UGT2B7: variants seen among roughly 807,000 people sequenced by gnomAD.
The protein encoded by UGT2B7 is UDP glucuronosyltransferase family 2 member B7.
In UGT2B7, 51 loss-of-function variants were observed where a neutral mutation model predicts 51.9. The observed-to-expected ratio is 0.98, with a 90% CI of 0.78 to 1.24. UGT2B7 has a LOEUF of 1.24. Ranked by LOEUF, UGT2B7 falls within the 50% of genes most tolerant of loss-of-function variation. The probability of loss-of-function intolerance (pLI) is 0.00; values close to 1 mark genes in which losing one functional copy is unlikely to be tolerated. For missense variants in UGT2B7, 727 were observed against 628.4 expected, an observed-to-expected ratio of 1.16 and a Z score of -1.68; for synonymous variants, 225 against 211.6, an observed-to-expected ratio of 1.06 and a Z score of -0.55.
intron 1 of UGT2B7, among the ~76,000 whole-genome samples, chr4:69,078,607 A>G (rs1010970994): frequency 6.6e-6 from 1 of 152,030 alleles, no homozygotes; most frequent in East Asian, 1.9e-4. Context: ...TTTCTCCATG[A>G]CTGTGTGTAT....
intron 2 of UGT2B7, 68 bp from the exon 3 acceptor site, chr4:69,102,739 A>C (rs1451021091): frequency 3.8e-6 from 6 of 1,567,084 alleles, no homozygotes; most frequent in Non-Finnish European, 1.7e-6. Flanking sequence ...AGTAATTTGC[A>C]CCAATTCTTT....
upstream of UGT2B7, among the ~76,000 whole-genome samples, chr4:69,094,732 C>A (rs1719175369): frequency 6.6e-6 from 1 of 152,152 alleles, no homozygotes; most frequent in Admixed American, 6.5e-5. Context: ...CATACATTAA[C>A]CCACCCTTTC....
intron 1 of UGT2B7, among the ~76,000 whole-genome samples, chr4:69,079,388 A>G (rs1718786103): frequency 1.3e-5 from 2 of 152,206 alleles, no homozygotes; most frequent in African/African-American, 4.8e-5. Flanking sequence ...GTCATATTCC[A>G]GGAGTTAAAG....
At chr4:69,068,250 C>T (rs77902165) in intron 1 of UGT2B7, among the ~76,000 whole-genome samples, 4,088 of 151,952 alleles carry the variant, frequency 0.027, 82 homozygotes, top group Non-Finnish European at 0.042. Flanking sequence ...ACATTTTGAT[C>T]CCATCACTGA....
intron 1 of UGT2B7, among the ~76,000 whole-genome samples, chr4:69,086,482 T>C (rs1718962420): frequency 6.6e-6 from 1 of 151,942 alleles, no homozygotes; most frequent in Non-Finnish European, 1.5e-5. Context: ...TAAATGTCCG[T>C]GTTAGGTTTA....
chr4:69,107,204 A>C lies in UGT2B7; in HGVS notation c.1032A>C (p.Pro344=), dbSNP rs773030005. 10 of 1,609,628 alleles carry C rather than the reference A, an allele frequency of 6.2e-6. No individual in the cohort carries two copies. The highest frequency in any genetic ancestry group is 8.5e-6 in the Non-Finnish European group (10 of 1,177,268). Residue 344 remains proline, a synonymous_variant, in exon 4 of 6, where the codon CCA becomes CCC. Transcript: ENST00000305231. ...KVLWRFDGNK[P]DTLGLNTRLY... is the part of the protein sequence containing the mutation. The stretch of plus-strand genomic sequence containing the variant: ...TGTGGAGATTTGATGGGAATAAACC[A>C]GATACCTTAGGTCTCAATACTCGGC...
intron 1 of UGT2B7, among the ~76,000 whole-genome samples, chr4:69,061,805 A>G (rs1423057287): frequency 2.6e-5 from 4 of 152,186 alleles, no homozygotes; most frequent in African/African-American, 7.2e-5. Flanking sequence ...GAATTCAGGA[A>G]AAAGGAGCTA....
intron 1 of UGT2B7, among the ~76,000 whole-genome samples, chr4:69,087,348 C>T (rs1257590395): frequency 6.6e-6 from 1 of 151,918 alleles, no homozygotes; most frequent in Admixed American, 6.6e-5. Context: ...TTGTCTTCCA[C>T]ATATTGACTT....
At chr4:69,099,010 G>A (rs949383067) in intron 2 of UGT2B7, among the ~76,000 whole-genome samples, 1 of 151,748 alleles carries the variant, frequency 6.6e-6, no homozygotes, top group African/African-American at 2.4e-5. Flanking sequence ...ACAAAACACA[G>A]GTAAGTGCAG....
At chr4:69,052,582 A>AGGC (rs1450546217) in intron 1 of UGT2B7, among the ~76,000 whole-genome samples, 2 of 151,490 alleles carry the variant, frequency 1.3e-5, no homozygotes, top group African/African-American at 4.8e-5. Flanking sequence ...AAAAAAAAAA[A>AGGC]AAAAAAAAAA....
chr4:69,064,026 A>AAGAC lies in UGT2B7; in HGVS notation c.-159+12427_-159+12428insCAGA, dbSNP rs1560499593. Among the ~76,000 whole-genome samples, 63 of 60,352 alleles carry AAGAC rather than the reference A, an allele frequency of 1.0e-3. 1 individual carries two copies. Among genetic ancestry groups the AAGAC allele is most frequent in the African/African-American group, 5.4e-3 (60 of 11,022 alleles). 39.6% of individuals were successfully genotyped at this position (60,352 alleles called of 152,430 possible). A position where few individuals can be genotyped will look rare whatever the true frequency, so the allele number is the denominator to read the frequency against. On this transcript the variant is annotated intron_variant, in intron 1 of 5. Coordinates refer to the UGT2B7 transcript ENST00000502942. ...AAAGGGGAAGATGAGATGGGAAAGA[A>AAGAC]AGAAAGAAAGAAAGAAAGAAAGAAA...
At chr4:69,091,948 T>C (rs953017823), upstream of UGT2B7, among the ~76,000 whole-genome samples, 4 of 152,174 alleles carry the variant, frequency 2.6e-5, no homozygotes. Flanking sequence ...TTATTTTCTT[T>C]TATTTTCTAT....
chr4:69,104,627 T>C (rs1217224496), intron 3 of UGT2B7, among the ~76,000 whole-genome samples: 1 of 152,152 alleles, frequency 6.6e-6, no homozygotes, highest in Non-Finnish European at 1.5e-5. Flanking sequence ...ATTAATAGTA[T>C]GATCAAGAAT....
At chr4:69,096,349 T>C, upstream of UGT2B7, 1 of 1,008,170 alleles carries the variant, frequency 9.9e-7, no homozygotes, top group East Asian at 2.6e-5. Flanking sequence ...TCATTTACCT[T>C]CATTTGTCTC....
chr4:69,082,396 T>TAA (rs113112022), intron 1 of UGT2B7, among the ~76,000 whole-genome samples: 1,797 of 149,050 alleles, frequency 0.012, 41 homozygotes, highest in African/African-American at 0.04. Flanking sequence ...AGTTGTGAAT[T>TAA]AAAAAAAAAA....
intron 2 of UGT2B7, among the ~76,000 whole-genome samples, chr4:69,090,513 TG>T (rs2109879135): frequency 6.6e-6 from 1 of 151,960 alleles, no homozygotes; most frequent in Non-Finnish European, 1.5e-5. Context: ...AAAGGAGACA[TG>T]AAAAAAAGCA....
At chr4:69,072,519 A>T (rs1300366403) in intron 1 of UGT2B7, among the ~76,000 whole-genome samples, 1 of 152,212 alleles carries the variant, frequency 6.6e-6, no homozygotes, top group East Asian at 1.9e-4. Context: ...GCAGAATGCA[A>T]TGTTTCTTAA....
intron 1 of UGT2B7, among the ~76,000 whole-genome samples, chr4:69,065,662 A>C (rs767400217): frequency 6.6e-6 from 1 of 152,188 alleles, no homozygotes; most frequent in Non-Finnish European, 1.5e-5. Flanking sequence ...TGTATTTCTC[A>C]TACATAGATG....
intron 1 of UGT2B7, among the ~76,000 whole-genome samples, chr4:69,086,108 T>C (rs1470450779): frequency 2.0e-5 from 3 of 151,864 alleles, no homozygotes; most frequent in African/African-American, 7.2e-5. Context: ...AAGATATTTC[T>C]GCATTTTTAA....
Sources: gnomAD v4.1 joint callset for allele counts (sites outside exome capture counted in the v4.1 genomes callset) on GRCh38, gnomAD v4.1.1 for gene constraint, MANE v1.5 for transcripts, NCBI Gene and HGNC (gene_info 2026-07-23, HGNC 2026-07-21) for gene names.